Variants in PRKAB2 observed in about 807,000 individuals in gnomAD.
PRKAB2 encodes protein kinase AMP-activated non-catalytic subunit beta 2.
Under a neutral mutation model 29.8 loss-of-function variants are expected in PRKAB2, and 18 were observed. That is an observed-to-expected ratio of 0.60 (90% CI 0.42 to 0.89). The LOEUF (loss-of-function observed/expected upper bound fraction) is 0.89, where lower values mean the gene tolerates loss of function less well. Ranked by LOEUF, PRKAB2 falls within the 40% of genes least tolerant of loss-of-function variation. PRKAB2 has a pLI of 0.00. For missense variants in PRKAB2, 270 were observed against 344.3 expected (o/e 0.78, Z 1.71); for synonymous variants, 136 against 125.9 (o/e 1.08, Z -0.54).
chr1:147,163,037 G>T, intron 5 of PRKAB2, among the ~76,000 whole-genome samples: 1 of 151,302 alleles, frequency 6.6e-6, no homozygotes, highest in South Asian at 2.1e-4. Flanking sequence ...AAACAACAAG[G>T]TTATAAACTC....
chr1:147,166,545 T>C lies in PRKAB2; in HGVS notation c.491A>G (p.Asp164Gly). The C allele has an allele frequency of 6.2e-7, 1 of 1,614,060 alleles. No individual in the cohort carries two copies. Among genetic ancestry groups the C allele is most frequent in the African/African-American group, 1.3e-5 (1 of 75,048 alleles). Reference sequence around the variant, plus strand: ...TTCCATAGAATCTAACTTTAAAGCATCGAACACCTCAAAATCAGATTTCTT... The same window carrying C: ...TTCCATAGAATCTAACTTTAAAGCACCGAACACCTCAAAATCAGATTTCTT... ...HVKKSDFEVF[D>G]ALKLDSMESS... is the part of the protein sequence containing the mutation. Residue 164 changes from aspartate (D) to glycine (G), a missense_variant, in exon 5 of 8, where the codon GAT becomes GGT. By Grantham distance (94) the Asp-to-Gly change is moderately conservative. Around this residue, in one of 2 missense-constraint regions of PRKAB2, gnomAD observed 228 missense variants for 255.5 expected, o/e 0.89. Coordinates refer to ENST00000254101, the MANE Select transcript of PRKAB2 (RefSeq NM_005399.5).
chr1:147,169,770 T>C (rs1201717308), intron 2 of PRKAB2, among the ~76,000 whole-genome samples: 1 of 152,198 alleles, frequency 6.6e-6, no homozygotes, highest in Non-Finnish European at 1.5e-5. Context: ...CATTATACTG[T>C]TTCCCCCTAC....
intron 2 of PRKAB2, among the ~76,000 whole-genome samples, chr1:147,169,334 T>C (rs1300533667): frequency 1.3e-5 from 2 of 152,302 alleles, no homozygotes; most frequent in East Asian, 1.9e-4. Flanking sequence ...AGAAAGAGAA[T>C]TGAAAGGACT....
chr1:147,167,931 G>A lies in PRKAB2; in HGVS notation c.159C>T (p.Leu53=). The change falls in exon 3 of 8, where the codon CTC becomes CTT. Residue 53 remains leucine (L), a splice_region_variant and synonymous_variant. Coordinates refer to ENST00000254101, the MANE Select transcript of PRKAB2 (RefSeq NM_005399.5). The part of the protein sequence containing the change: ...PSVFSLPDSK[L]PGDKEFVSWQ... ...ATGATACAAACTCTTTGTCCCCAGG[G>A]AGCTGTAAGAAGGAGTAGGTCATCC... 6.2e-7 allele frequency: 1 copy of A among 1,610,964 alleles called. No individual in the cohort carries two copies. Among genetic ancestry groups the A allele is most frequent in the South Asian group, 1.1e-5 (1 of 90,560 alleles).
At chr1:147,168,354 T>G (rs1384209647) in intron 2 of PRKAB2, among the ~76,000 whole-genome samples, 8 of 152,216 alleles carry the variant, frequency 5.3e-5, no homozygotes, top group African/African-American at 1.9e-4. Flanking sequence ...CAGCCATATA[T>G]TTTTATAGGC....
At chr1:147,170,980 GC>G (rs1448284904) in intron 2 of PRKAB2, among the ~76,000 whole-genome samples, 1 of 152,180 alleles carries the variant, frequency 6.6e-6, no homozygotes, top group Non-Finnish European at 1.5e-5. Flanking sequence ...ACTCTCTAAA[GC>G]CCCAGTTCCC....
chr1:147,167,074 C>A lies in PRKAB2; in HGVS notation c.324-135G>T, dbSNP rs80278985. 1,312 of 699,296 alleles carry A rather than the reference C, an allele frequency of 1.9e-3. 14 individuals are homozygous for A. The African/African-American group carries it at 0.021, about 11-fold the overall frequency. The allele number at this position is 699,296 out of a possible 1,614,324, so 43.3% of individuals were successfully genotyped here. A position where few individuals can be genotyped will look rare whatever the true frequency, so the allele number is the denominator to read the frequency against. On this transcript the variant is annotated intron_variant, in intron 3 of 7. Coordinates refer to ENST00000254101, the MANE Select transcript of PRKAB2 (RefSeq NM_005399.5). Reference sequence around the variant, plus strand: ...CCATTGTATCCCCTGGTGTAAAAAACAACGTATAAACCCATTCTCCTTTTC... The same window carrying A: ...CCATTGTATCCCCTGGTGTAAAAAAAAACGTATAAACCCATTCTCCTTTTC...
intron 1 of PRKAB2, 76 bp downstream of exon 1, chr1:147,172,353 T>C: frequency 1.5e-6 from 1 of 669,176 alleles, no homozygotes; most frequent in Non-Finnish European, 2.4e-6. Flanking sequence ...TCACTGGCCC[T>C]AGCTCAGGAA....
intron 5 of PRKAB2, among the ~76,000 whole-genome samples, chr1:147,164,765 C>T (rs1392511134): frequency 3.9e-5 from 6 of 152,174 alleles, no homozygotes; most frequent in African/African-American, 1.2e-4. Flanking sequence ...GGATTATAAG[C>T]GTTACCTCAA....
At chr1:147,164,294 A>C (rs1355245987) in intron 5 of PRKAB2, among the ~76,000 whole-genome samples, 1 of 152,132 alleles carries the variant, frequency 6.6e-6, no homozygotes, top group African/African-American at 2.4e-5. Flanking sequence ...GGTAACAATA[A>C]TGTAACAAAA....
rs1400132803 is a variant in PRKAB2, at chr1:147,172,207, C to T, written c.-23-40G>A. ...GACACCGGGCTGGGAACACCTCAGC[C>T]GCCGCGTCAGGGGCGCCCCCCGGCC... On this transcript the variant is annotated intron_variant, in intron 1 of 7. Coordinates refer to ENST00000254101, the MANE Select transcript of PRKAB2 (RefSeq NM_005399.5). The T allele has an allele frequency of 2.7e-6, 4 of 1,472,336 alleles. No homozygotes were observed. The African/African-American group carries it at 5.7e-5, about 21-fold the overall frequency. 91.2% of individuals were successfully genotyped at this position (1,472,336 alleles called of 1,614,324 possible). A position where few individuals can be genotyped will look rare whatever the true frequency, so the allele number is the denominator to read the frequency against.
At chr1:147,165,593 G>A (rs1654203183) in intron 5 of PRKAB2, among the ~76,000 whole-genome samples, 1 of 152,270 alleles carries the variant, frequency 6.6e-6, no homozygotes, top group South Asian at 2.1e-4. Flanking sequence ...TTATTGTAAA[G>A]TAACAAAATG....
In PRKAB2 at chr1:147,161,780, A is replaced by G; in HGVS notation, c.673T>C (p.Cys225Arg). Reference sequence around the variant, plus strand: ...GGCTCAGGGAGTAAGGCTGGGTCACACTAAGAGAAAGAGAAAAAAATTACT... The same window carrying G: ...GGCTCAGGGAGTAAGGCTGGGTCACGCTAAGAGAAAGAGAAAAAAATTACT... ...VILNKDTNIS[C>R]DPALLPEPNH... The change falls in exon 7 of 8, where the codon TGT becomes CGT. Residue 225 changes from cysteine to arginine, a missense_variant and splice_region_variant. Coordinates refer to ENST00000254101, the MANE Select transcript of PRKAB2 (RefSeq NM_005399.5). 1.2e-6 allele frequency: 2 copies of G among 1,600,772 alleles called. No individual in the cohort carries two copies. The highest frequency in any genetic ancestry group is 2.2e-5 in the East Asian group (1 of 44,808).
At chr1:147,161,356 T>G (rs74119880) in intron 7 of PRKAB2, among the ~76,000 whole-genome samples, 2,939 of 149,978 alleles carry the variant, frequency 0.02, 80 homozygotes, top group African/African-American at 0.069. Context: ...AAAGCCTTAA[T>G]ATCACATTCA....
At chr1:147,160,725 T>C (rs1553912967) in intron 7 of PRKAB2, 1 of 152,108 alleles carries the variant, frequency 6.6e-6, no homozygotes, top group Non-Finnish European at 1.5e-5. Flanking sequence ...CCTGGCATAA[T>C]GATAATATAG....
rs1489335363 is a variant in PRKAB2, at chr1:147,155,627, C to T, written c.*3938G>A. ...ATGTAGGTATCCCTTGACCATTTAA[C>T]CTGACACCTACAAAATCCATAGTGT... On this transcript the variant is annotated 3_prime_UTR_variant, in exon 8 of 8. Coordinates refer to ENST00000254101, the MANE Select transcript of PRKAB2 (RefSeq NM_005399.5). 2 of 152,524 alleles carry T rather than the reference C, an allele frequency of 1.3e-5. No homozygotes were observed. The highest frequency in any genetic ancestry group is 4.8e-5 in the African/African-American group (2 of 41,402). The allele number at this position is 152,524 out of a possible 1,614,324, so 9.4% of individuals were successfully genotyped here. A position where few individuals can be genotyped will look rare whatever the true frequency, so the allele number is the denominator to read the frequency against.
At chr1:147,167,689 C>G in intron 3 of PRKAB2, 78 bp downstream of exon 3, 1 of 1,501,734 alleles carries the variant, frequency 6.7e-7, no homozygotes, top group Non-Finnish European at 9.0e-7. Flanking sequence ...GGAGAAAAGT[C>G]CAGCTGGGTC....
chr1:147,159,357 T>G lies in PRKAB2; in HGVS notation c.*208A>C, dbSNP rs1213874804. 8 of 523,150 alleles carry G rather than the reference T, an allele frequency of 1.5e-5. No homozygotes were observed. The highest frequency in any genetic ancestry group is 2.0e-5 in the Non-Finnish European group (6 of 294,700). 32.4% of individuals were successfully genotyped at this position (523,150 alleles called of 1,614,324 possible). A position where few individuals can be genotyped will look rare whatever the true frequency, so the allele number is the denominator to read the frequency against. Reference sequence around the variant, plus strand: ...TCCATTTACCTTCTTCTCATATGTATATTTTTTTTTCTTAAAATAAATTCC... The same window carrying G: ...TCCATTTACCTTCTTCTCATATGTAGATTTTTTTTTCTTAAAATAAATTCC... On this transcript the variant is annotated 3_prime_UTR_variant, in exon 8 of 8. Transcript: ENST00000254101.
intron 5 of PRKAB2, 142 bp downstream of exon 5, chr1:147,166,356 G>T: frequency 1.2e-6 from 1 of 812,420 alleles, no homozygotes. Context: ...ATGTTTACAG[G>T]AGAAAAATCT....
Sources: allele counts gnomAD v4.1 joint callset (sites outside exome capture counted in the v4.1 genomes callset), GRCh38; gene constraint gnomAD v4.1.1; regional missense constraint gnomAD v4.1.1; transcripts MANE v1.5; gene names NCBI Gene and HGNC (gene_info 2026-07-23, HGNC 2026-07-21).